KCTD2: variants seen among roughly 807,000 people sequenced by gnomAD.
The protein encoded by KCTD2 is BTB/POZ domain-containing protein KCTD2.
KCTD2 carries 18 observed loss-of-function variants against 27.9 expected under a neutral mutation model. The observed-to-expected ratio is 0.64, with a 90% CI of 0.45 to 0.96. The LOEUF is 0.96. KCTD2 is among the 40% of genes least tolerant of loss of function. The probability of loss-of-function intolerance (pLI) is 0.00; values close to 1 mark genes in which losing one functional copy is unlikely to be tolerated. For missense variants in KCTD2, 280 were observed against 348.0 expected, an observed-to-expected ratio of 0.80 and a Z score of 1.56; for synonymous variants, 175 against 148.4, an observed-to-expected ratio of 1.18 and a Z score of -1.30.
At chr17:75,038,534 C>A (rs921744768) in intron 3 of KCTD2, among the ~76,000 whole-genome samples, 10 of 152,366 alleles carry the variant, frequency 6.6e-5, no homozygotes, top group African/African-American at 2.4e-4. Context: ...TTTGGACCAG[C>A]TGTTCTTGTG....
chr17:75,047,464 C>T lies in KCTD2; in HGVS notation c.214C>T (p.Arg72Cys). The T allele has an allele frequency of 6.4e-7, 1 of 1,559,272 alleles. No homozygotes were observed. Among genetic ancestry groups the T allele is most frequent in the African/African-American group, 1.4e-5 (1 of 71,092 alleles). Residue 72 changes from arginine (R) to cysteine (C), a missense_variant, in exon 1 of 6, where the codon CGC becomes TGC. Arg to Cys is a radical substitution (Grantham distance 180). Coordinates refer to ENST00000322444, the MANE Select transcript of KCTD2 (RefSeq NM_015353.3). ...PERAGGGGAA[R>C]WVRLNVGGTY... is the part of the protein sequence containing the mutation. Reference sequence around the variant, plus strand: ...GCGGGCAGGGGGCGGCGGCGCGGCCCGCTGGGTCAGGCTGAACGTGGGAGG... The same window carrying T: ...GCGGGCAGGGGGCGGCGGCGCGGCCTGCTGGGTCAGGCTGAACGTGGGAGG...
At chr17:75,040,187 C>T in intron 3 of KCTD2, 2 of 1,612,068 alleles carry the variant, frequency 1.2e-6, no homozygotes, top group Non-Finnish European at 1.7e-6. Context: ...GGCACGGGAA[C>T]CTTCAGCGCA....
At chr17:75,049,826 G>C (rs2073266306) in intron 2 of KCTD2, among the ~76,000 whole-genome samples, 1 of 152,208 alleles carries the variant, frequency 6.6e-6, no homozygotes, top group African/African-American at 2.4e-5. Context: ...TTCATTGTCA[G>C]GTGTATCATT....
In KCTD2 at chr17:75,049,522, C is replaced by T. The variant is rs1414841894; in HGVS notation, c.448+194C>T. Among the ~76,000 whole-genome samples, 6 of 152,322 alleles carry T rather than the reference C, an allele frequency of 3.9e-5. No individual in the cohort carries two copies. In the East Asian group the frequency reaches 1.2e-3, roughly 29 times the overall value. ...TAAGGAAGCCTCCTTAGGCTTTGTT[C>T]AGCTTCCTGGGTGAGAAGGAAGATA... On this transcript the variant is annotated intron_variant, in intron 2 of 5. Coordinates refer to ENST00000322444, the MANE Select transcript of KCTD2 (RefSeq NM_015353.3).
At chr17:75,039,810 A>C (rs1405615426) in intron 3 of KCTD2, 1 of 433,198 alleles carries the variant, frequency 2.3e-6, no homozygotes, top group East Asian at 4.1e-5. Context: ...TGAAACCAGC[A>C]GTCCCCTCTC....
At chr17:75,057,314 A>G (rs923410294) in intron 3 of KCTD2, among the ~76,000 whole-genome samples, 5 of 152,038 alleles carry the variant, frequency 3.3e-5, no homozygotes, top group Non-Finnish European at 7.4e-5. Flanking sequence ...TGAGAGCACA[A>G]GTGGTTTACT....
In KCTD2 at chr17:75,062,221, C is replaced by T; in HGVS notation, c.738C>T (p.Val246=). 6.2e-7 allele frequency: 1 copy of T among 1,613,426 alleles called. No homozygotes were observed. The highest frequency in any genetic ancestry group is 1.1e-5 in the South Asian group (1 of 90,842). ...RELNNSTNGI[V]IEPSEKAKIL... is the part of the protein sequence containing the mutation. ...TAAATAATTCTACCAATGGCATCGT[C>T]ATAGAGCCGAGCGAAAAGGCGAAGG... The change falls in exon 5 of 6, where the codon GTC becomes GTT. Residue 246 remains valine (V), a synonymous_variant. Transcript: ENST00000322444.
At chr17:75,061,427 T>C (rs950401075) in intron 4 of KCTD2, among the ~76,000 whole-genome samples, 1 of 152,120 alleles carries the variant, frequency 6.6e-6, no homozygotes, top group African/African-American at 2.4e-5. Context: ...GGAGGATTGC[T>C]TGAGTCCTGG....
At chr17:75,060,431 CAA>C (rs2073392594) in intron 4 of KCTD2, 2 of 1,597,244 alleles carry the variant, frequency 1.3e-6, no homozygotes, top group African/African-American at 2.7e-5. Flanking sequence ...TTCAAAAAGC[CAA>C]AAAAGTCCTC....
At chr17:75,058,967 G>A (rs1474930588) in intron 3 of KCTD2, among the ~76,000 whole-genome samples, 3 of 150,984 alleles carry the variant, frequency 2.0e-5, no homozygotes, top group Admixed American at 6.6e-5. Flanking sequence ...GCGTGGTGGC[G>A]GGTGCCTGTA....
chr17:75,057,917 G>A (rs943648164), intron 3 of KCTD2, among the ~76,000 whole-genome samples: 3 of 151,912 alleles, frequency 2.0e-5, no homozygotes, highest in East Asian at 2.0e-4. Context: ...ATTGTCGGCC[G>A]GACACAGTGG....
At position 75,063,128 on chromosome 17, in the gene KCTD2, G is replaced by C. The variant is rs899129233; in HGVS notation, c.*81G>C. On this transcript the variant is annotated 3_prime_UTR_variant, in exon 6 of 6. Coordinates refer to ENST00000322444, the MANE Select transcript of KCTD2 (RefSeq NM_015353.3). ...TGAAGTGAAACCTCACTCCTGTCCA[G>C]TGACCGAGCCACTGCAAAGCACAGC... is the stretch of plus-strand genomic sequence containing the variant. The C allele has an allele frequency of 2.2e-6, 3 of 1,347,198 alleles. No individual in the cohort carries two copies. Among genetic ancestry groups the C allele is most frequent in the Non-Finnish European group, 3.2e-6 (3 of 947,404 alleles). 83.5% of individuals were successfully genotyped at this position (1,347,198 alleles called of 1,614,324 possible). A position where few individuals can be genotyped will look rare whatever the true frequency, so the allele number is the denominator to read the frequency against.
At chr17:75,036,566 G>C (rs1292874665) in intron 3 of KCTD2, among the ~76,000 whole-genome samples, 2 of 152,232 alleles carry the variant, frequency 1.3e-5, no homozygotes, top group Non-Finnish European at 2.9e-5. Context: ...CTGTTATTTA[G>C]CACAGGGAAT....
chr17:75,051,099 G>A (rs1043080197), intron 2 of KCTD2, among the ~76,000 whole-genome samples: 2 of 150,234 alleles, frequency 1.3e-5, no homozygotes, highest in African/African-American at 4.9e-5. Context: ...TCAGCCTCCC[G>A]AGTAGCTGGG....
chr17:75,037,344 A>AC (rs2073112463), intron 3 of KCTD2, among the ~76,000 whole-genome samples: 1 of 126,362 alleles, frequency 7.9e-6, no homozygotes, highest in African/African-American at 3.6e-5. Flanking sequence ...ATTCCATATC[A>AC]GAAAAAAAAA....
intron 3 of KCTD2, chr17:75,038,836 A>G (rs2073127965): frequency 1.4e-6 from 2 of 1,394,460 alleles, no homozygotes; most frequent in Non-Finnish European, 1.9e-6. Flanking sequence ...AATTATCTCA[A>G]CCACAGAGAA....
At chr17:75,046,660 C>A (rs1485116963), upstream of KCTD2, among the ~76,000 whole-genome samples, 1 of 152,248 alleles carries the variant, frequency 6.6e-6, no homozygotes, top group African/African-American at 2.4e-5. Flanking sequence ...TGGGAGCGGA[C>A]TGCACGAGAC....
chr17:75,039,885 T>C (rs2073141047), intron 3 of KCTD2: 2 of 598,132 alleles, frequency 3.3e-6, no homozygotes, highest in African/African-American at 1.9e-5. Context: ...GATGGAATCA[T>C]ATGCTATACT....
At chr17:75,046,553 C>T (rs2073219610), upstream of KCTD2, among the ~76,000 whole-genome samples, 1 of 152,222 alleles carries the variant, frequency 6.6e-6, no homozygotes, top group Non-Finnish European at 1.5e-5. Context: ...AGGGGAAGGG[C>T]GCAGCCCCGC....
Sources: gnomAD v4.1 joint callset for allele counts (sites outside exome capture counted in the v4.1 genomes callset) on GRCh38, gnomAD v4.1.1 for gene constraint, MANE v1.5 for transcripts, NCBI Gene and HGNC (gene_info 2026-07-23, HGNC 2026-07-21) for gene names.